The following ADGRL2 variants were observed in gnomAD, a reference collection of about 807,000 sequenced individuals.
ADGRL2 encodes the protein adhesion G protein-coupled receptor L2.
ADGRL2 carries 44 observed loss-of-function variants against 157.4 expected under a neutral mutation model. The ratio of observed to expected loss-of-function variants is 0.28; its 90% CI spans 0.22 to 0.36. The LOEUF (loss-of-function observed/expected upper bound fraction) is 0.36. Among genes scored for constraint, ADGRL2 ranks in the 10% least tolerant of loss-of-function variants. ADGRL2 has a pLI of 1.00. For missense variants in ADGRL2, 1,510 were observed against 1,768.9 expected, an observed-to-expected ratio of 0.85 and a Z score of 2.63; for synonymous variants, 585 against 624.7, an observed-to-expected ratio of 0.94 and a Z score of 0.95.
chr1:81,642,206 C>T (rs1391334982), intron 3 of ADGRL2, among the ~76,000 whole-genome samples: 1 of 149,182 alleles, frequency 6.7e-6, no homozygotes, highest in Non-Finnish European at 1.5e-5. Flanking sequence ...TGAATTTGTA[C>T]CACTGCACTC....
At chr1:81,774,397 A>T (rs1353695) in intron 2 of ADGRL2, among the ~76,000 whole-genome samples, 1 of 152,012 alleles carries the variant, frequency 6.6e-6, no homozygotes, top group Admixed American at 6.5e-5. Flanking sequence ...TGAGAGCAAC[A>T]TGTGCTTTGC....
At chr1:81,822,363 A>G (rs982496306) in intron 1 of ADGRL2, among the ~76,000 whole-genome samples, 1 of 151,696 alleles carries the variant, frequency 6.6e-6, no homozygotes, top group African/African-American at 2.4e-5. Flanking sequence ...AAGTTGTGCA[A>G]GAAAAAAATC....
intron 1 of ADGRL2, among the ~76,000 whole-genome samples, chr1:81,740,351 C>A (rs1392658424): frequency 1.3e-5 from 2 of 152,156 alleles, no homozygotes; most frequent in East Asian, 3.9e-4. Context: ...TTCTGGCATC[C>A]TTGAATATAA....
chr1:81,648,907 C>T (rs998183218), intron 3 of ADGRL2, among the ~76,000 whole-genome samples: 7 of 152,182 alleles, frequency 4.6e-5, no homozygotes, highest in African/African-American at 1.7e-4. Context: ...GGACAAGTGT[C>T]TACCTTCAGA....
intron 2 of ADGRL2, among the ~76,000 whole-genome samples, chr1:81,523,430 G>C (rs567952320): frequency 2.9e-4 from 44 of 150,458 alleles, no homozygotes; most frequent in Admixed American, 5.3e-4. Context: ...CACACACACA[G>C]AGAGAGAGAG....
intron 2 of ADGRL2, among the ~76,000 whole-genome samples, chr1:81,839,417 C>G (rs1290280723): frequency 6.6e-6 from 1 of 151,800 alleles, no homozygotes; most frequent in East Asian, 1.9e-4. Flanking sequence ...TATTTGGGCA[C>G]AGGTGGTATT....
intron 2 of ADGRL2, among the ~76,000 whole-genome samples, chr1:81,475,967 A>G (rs1244177389): frequency 2.0e-5 from 3 of 152,204 alleles, no homozygotes; most frequent in Non-Finnish European, 4.4e-5. Flanking sequence ...CCAGAAGGGA[A>G]AGTTCTCTGC....
intron 2 of ADGRL2, among the ~76,000 whole-genome samples, chr1:81,525,745 C>A (rs781089633): frequency 6.6e-6 from 1 of 152,314 alleles, no homozygotes; most frequent in South Asian, 2.1e-4. Context: ...AAACGCTACA[C>A]ATCAGGGCTT....
intron 2 of ADGRL2, among the ~76,000 whole-genome samples, chr1:81,464,342 T>C (rs1435787842): frequency 6.6e-6 from 1 of 152,006 alleles, no homozygotes; most frequent in Non-Finnish European, 1.5e-5. Flanking sequence ...ATCTCTAGTA[T>C]GTGAAAATAG....
At chr1:81,391,807 GCTAT>G (rs1570820553) in intron 1 of ADGRL2, among the ~76,000 whole-genome samples, 1 of 152,120 alleles carries the variant, frequency 6.6e-6, no homozygotes, top group East Asian at 1.9e-4. Flanking sequence ...AGAAATGGAG[GCTAT>G]CTAGGCACAA....
chr1:81,525,506 C>T (rs999044728), intron 2 of ADGRL2, among the ~76,000 whole-genome samples: 7 of 152,034 alleles, frequency 4.6e-5, no homozygotes, highest in Admixed American at 1.3e-4. Context: ...CTAGTAGAGA[C>T]GGGGTTTCAC....
At chr1:81,400,127 G>A (rs2076726074) in intron 1 of ADGRL2, among the ~76,000 whole-genome samples, 1 of 152,120 alleles carries the variant, frequency 6.6e-6, no homozygotes, top group Non-Finnish European at 1.5e-5. Context: ...AGGTGATTAA[G>A]TTTCTCAGTG....
At chr1:81,348,457 T>C (rs1662640184) in intron 1 of ADGRL2, among the ~76,000 whole-genome samples, 1 of 152,164 alleles carries the variant, frequency 6.6e-6, no homozygotes. Flanking sequence ...TGTATTTTGG[T>C]TCCAGAAAGG....
chr1:81,377,975 T>C (rs2101029612), intron 1 of ADGRL2, among the ~76,000 whole-genome samples: 1 of 152,088 alleles, frequency 6.6e-6, no homozygotes, highest in East Asian at 1.9e-4. Flanking sequence ...GGTCAAGAGA[T>C]CGAGATCATC....
chr1:81,313,679 T>C (rs1309346863), intron 1 of ADGRL2, among the ~76,000 whole-genome samples: 1 of 152,210 alleles, frequency 6.6e-6, no homozygotes, highest in Non-Finnish European at 1.5e-5. Flanking sequence ...ACTCTCCTTC[T>C]TAGCTTTTTC....
chr1:81,809,946 A>C (rs1228834443), intron 1 of ADGRL2, among the ~76,000 whole-genome samples: 1 of 151,892 alleles, frequency 6.6e-6, no homozygotes, highest in Non-Finnish European at 1.5e-5. Context: ...CTCCTTTTAT[A>C]GGTATTTTTA....
chr1:81,550,157 T>A (rs1159101170), intron 2 of ADGRL2, among the ~76,000 whole-genome samples: 1 of 152,146 alleles, frequency 6.6e-6, no homozygotes, highest in Admixed American at 6.6e-5. Context: ...AGATGGAAGA[T>A]GCCAGTCAAT....
chr1:81,344,720 C>G (rs551957500), intron 1 of ADGRL2, among the ~76,000 whole-genome samples: 1 of 149,058 alleles, frequency 6.7e-6, no homozygotes, highest in Non-Finnish European at 1.5e-5. Flanking sequence ...GTGTTTTGTC[C>G]AGAACTGTTA....
intron 3 of ADGRL2, chr1:81,588,233 G>A (rs1198149103): frequency 6.6e-6 from 1 of 152,158 alleles, no homozygotes; most frequent in African/African-American, 2.4e-5. Flanking sequence ...AAGTTAGCTT[G>A]GTTCGGCTGA....
Sources: allele counts gnomAD v4.1 joint callset (sites outside exome capture counted in the v4.1 genomes callset), GRCh38; gene constraint gnomAD v4.1.1; transcripts MANE v1.5; gene names NCBI Gene and HGNC (gene_info 2026-07-23, HGNC 2026-07-21).